LINGO2: variants seen among roughly 807,000 people sequenced by gnomAD.
LINGO2 encodes the protein leucine-rich repeat and immunoglobulin-like domain-containing nogo receptor-interacting protein 2.
A neutral mutation model predicts 30.6 loss-of-function variants in LINGO2; 14 were observed. That is an observed-to-expected ratio of 0.46 (90% CI 0.30 to 0.72). The LOEUF (loss-of-function observed/expected upper bound fraction) is 0.72. Among genes scored for constraint, LINGO2 ranks in the 30% least tolerant of loss-of-function variants. The pLI, the probability that LINGO2 is intolerant of heterozygous loss-of-function variation, is 0.07. For missense variants in LINGO2, 729 were observed against 751.7 expected (o/e 0.97, Z 0.35); for synonymous variants, 317 against 288.5 (o/e 1.10, Z -1.00).
At chr9:28,345,604 G>C (rs1819534918) in intron 3 of LINGO2, among the ~76,000 whole-genome samples, 1 of 151,962 alleles carries the variant, frequency 6.6e-6, no homozygotes, top group South Asian at 2.1e-4. Flanking sequence ...TCACAACATG[G>C]GCCTTTTGAA....
intron 1 of LINGO2, among the ~76,000 whole-genome samples, chr9:28,510,583 G>A (rs1820335032): frequency 6.6e-6 from 1 of 151,898 alleles, no homozygotes; most frequent in Non-Finnish European, 1.5e-5. Context: ...GAAGATGAAG[G>A]AGAACAGGCA....
intron 4 of LINGO2, among the ~76,000 whole-genome samples, chr9:28,179,290 C>T (rs1006272657): frequency 7.0e-6 from 1 of 142,932 alleles, no homozygotes; most frequent in African/African-American, 2.6e-5. Context: ...ATATATATAC[C>T]ATATATAGTA....
intron 2 of LINGO2, among the ~76,000 whole-genome samples, chr9:28,474,418 A>AT (rs57337932): frequency 0.9 from 137,351 of 152,136 alleles, 62,326 homozygotes; most frequent in East Asian, 1. Context: ...ACATAAAAAA[A>AT]CTTGAGAAAG....
chr9:28,474,388 A>G (rs1825646605), intron 2 of LINGO2, among the ~76,000 whole-genome samples: 1 of 122,642 alleles, frequency 8.2e-6, no homozygotes, highest in Non-Finnish European at 1.7e-5. Context: ...CTCAAAGAAT[A>G]AAAAAAGAAA....
intron 4 of LINGO2, among the ~76,000 whole-genome samples, chr9:28,100,221 A>G (rs1314623388): frequency 6.6e-6 from 1 of 152,308 alleles, no homozygotes; most frequent in Admixed American, 6.5e-5. Context: ...TAAAATCAAT[A>G]GAGTCCCCAT....
the LINGO2 span, among the ~76,000 whole-genome samples, chr9:29,066,798 T>C: frequency 1.3e-5 from 2 of 151,900 alleles, no homozygotes; most frequent in Admixed American, 1.3e-4. Flanking sequence ...TAATATGAAA[T>C]CTTCACTCTT....
chr9:29,117,170 T>C, the LINGO2 span, among the ~76,000 whole-genome samples: 10 of 152,256 alleles, frequency 6.6e-5, no homozygotes, highest in Admixed American at 5.9e-4. Flanking sequence ...AATTGTAACA[T>C]AAATGATTGT....
intron 2 of LINGO2, among the ~76,000 whole-genome samples, chr9:28,414,252 A>T (rs1822885452): frequency 6.6e-6 from 1 of 152,114 alleles, no homozygotes; most frequent in African/African-American, 2.4e-5. Context: ...TTCGTTCCAC[A>T]GTCCATGAAG....
At chr9:28,557,235 A>C (rs530112608) in intron 1 of LINGO2, among the ~76,000 whole-genome samples, 5 of 151,878 alleles carry the variant, frequency 3.3e-5, no homozygotes, top group Non-Finnish European at 7.4e-5. Context: ...GAAAATTTTC[A>C]CAACCTACTC....
intron 1 of LINGO2, among the ~76,000 whole-genome samples, chr9:28,590,290 C>A (rs1197446154): frequency 6.6e-6 from 1 of 151,924 alleles, no homozygotes; most frequent in Non-Finnish European, 1.5e-5. Flanking sequence ...GCAATAAAAG[C>A]CAAAATTGAC....
the LINGO2 span, among the ~76,000 whole-genome samples, chr9:28,678,211 C>T: frequency 2.0e-5 from 3 of 151,354 alleles, no homozygotes; most frequent in Admixed American, 2.0e-4. Flanking sequence ...CTGTCACAGT[C>T]AAACTTTCCA....
chr9:28,932,225 T>A, the LINGO2 span, among the ~76,000 whole-genome samples: 1 of 152,036 alleles, frequency 6.6e-6, no homozygotes, highest in African/African-American at 2.4e-5. Flanking sequence ...CTGCATCACA[T>A]TCCAGATATA....
chr9:29,079,772 T>C, the LINGO2 span, among the ~76,000 whole-genome samples: 1 of 148,514 alleles, frequency 6.7e-6, no homozygotes, highest in African/African-American at 2.5e-5. Context: ...AGACACCCTG[T>C]AGTGCAGTAA....
At chr9:28,464,451 A>G (rs1825215110) in intron 2 of LINGO2, among the ~76,000 whole-genome samples, 1 of 152,162 alleles carries the variant, frequency 6.6e-6, no homozygotes, top group Non-Finnish European at 1.5e-5. Flanking sequence ...TTTGCTGTAC[A>G]TGGCTGTCAT....
the LINGO2 span, among the ~76,000 whole-genome samples, chr9:29,129,336 G>GA: frequency 1.3e-5 from 2 of 152,070 alleles, no homozygotes; most frequent in East Asian, 1.9e-4. Context: ...CTGTTAAAAT[G>GA]AAAAAATGAG....
At chr9:29,083,483 A>G in the LINGO2 span, among the ~76,000 whole-genome samples, 1 of 152,106 alleles carries the variant, frequency 6.6e-6, no homozygotes, top group Non-Finnish European at 1.5e-5. Context: ...CCTAATTTAA[A>G]TGATGAGTTA....
the LINGO2 span, among the ~76,000 whole-genome samples, chr9:28,825,051 A>C: frequency 6.6e-6 from 1 of 152,126 alleles, no homozygotes; most frequent in African/African-American, 2.4e-5. Context: ...TTATGAAGGC[A>C]CAACTTTTCC....
intron 4 of LINGO2, among the ~76,000 whole-genome samples, chr9:28,242,675 G>C (rs1821842872): frequency 2.0e-5 from 3 of 152,260 alleles, no homozygotes; most frequent in Non-Finnish European, 4.4e-5. Context: ...ATAATGATCA[G>C]ATTCTCCAAG....
At chr9:28,519,786 C>T (rs562542839) in intron 1 of LINGO2, among the ~76,000 whole-genome samples, 54 of 152,246 alleles carry the variant, frequency 3.5e-4, no homozygotes, top group African/African-American at 1.3e-3. Context: ...TTTATAATTT[C>T]GATGAGGTGA....
Sources: gnomAD v4.1 joint callset for allele counts (sites outside exome capture counted in the v4.1 genomes callset) on GRCh38, gnomAD v4.1.1 for gene constraint, MANE v1.5 for transcripts, NCBI Gene and HGNC (gene_info 2026-07-23, HGNC 2026-07-21) for gene names.